Variants in HERC2 observed in about 807,000 individuals in gnomAD.
The protein encoded by HERC2 is HECT and RLD domain containing E3 ubiquitin protein ligase 2.
In HERC2, 102 loss-of-function variants were observed where a neutral mutation model predicts 537.7. The ratio of observed to expected loss-of-function variants is 0.19; its 90% CI spans 0.16 to 0.22. HERC2 has a LOEUF of 0.22. Ranked by LOEUF, HERC2 falls within the 10% of genes least tolerant of loss-of-function variation. The probability of loss-of-function intolerance (pLI) is 1.00; values close to 1 mark genes in which losing one functional copy is unlikely to be tolerated. For missense variants in HERC2, 4,236 were observed against 6,198.2 expected, an observed-to-expected ratio of 0.68 and a Z score of 10.63; for synonymous variants, 2,224 against 2,466.2, an observed-to-expected ratio of 0.90 and a Z score of 2.91.
intron 65 of HERC2, among the ~76,000 whole-genome samples, chr15:28,172,390 G>C (rs1023286093): frequency 1.3e-5 from 2 of 152,186 alleles, no homozygotes; most frequent in African/African-American, 4.8e-5. Flanking sequence ...TAAAGCTGTG[G>C]TAATCAAGAC....
At chr15:28,189,816 TTAAAACTAAAA>T in intron 55 of HERC2, among the ~76,000 whole-genome samples, 1 of 152,276 alleles carries the variant, frequency 6.6e-6, no homozygotes, top group East Asian at 1.9e-4. Flanking sequence ...TACTATTTGG[TTAAAACTAAAA>T]TAAAACTTTT....
Position 28,301,755 on chromosome 15 carries a change from A to G in HERC2, c.73-2239T>C, listed in dbSNP as rs559604873. On this transcript the variant is annotated intron_variant, in intron 2 of 92. Coordinates refer to ENST00000261609, the MANE Select transcript of HERC2 (RefSeq NM_004667.6). ...TATGTGTATATATATATATATATAT[A>G]TATATATATATATATATATATATAT... Among the ~76,000 whole-genome samples, 1,066 of 115,808 alleles carry G rather than the reference A, an allele frequency of 9.2e-3. 47 individuals carry two copies. The highest frequency in any genetic ancestry group is 0.012 in the Non-Finnish European group (698 of 56,214). The allele number at this position is 115,808 out of a possible 152,430, so 76.0% of individuals were successfully genotyped here.
Position 28,222,137 on chromosome 15 carries a change from C to T in HERC2, c.5543G>A (p.Arg1848Lys). 6.1e-6 allele frequency: 8 copies of T among 1,302,268 alleles called. 1 individual carries two copies. The highest frequency in any genetic ancestry group is 1.1e-5 in the South Asian group (1 of 89,156). 80.7% of individuals were successfully genotyped at this position (1,302,268 alleles called of 1,614,324 possible). Reference sequence around the variant, plus strand: ...GAGCTGCACAGGAGCCGTTTCCTTCCTTGTTTCTTCCAAAACTGTGGCAGA... The same window carrying T: ...GAGCTGCACAGGAGCCGTTTCCTTCTTTGTTTCTTCCAAAACTGTGGCAGA... ...GASATVLEET[R>K]KETAPVQLPV... Residue 1848 changes from arginine to lysine, a missense_variant, in exon 36 of 93, where the codon AGG becomes AAG. Coordinates refer to ENST00000261609, the MANE Select transcript of HERC2 (RefSeq NM_004667.6).
rs1206393229 is a variant in HERC2 at position 28,274,317 on chromosome 15, G to T, written c.774C>A (p.Thr258=). The T allele has an allele frequency of 1.2e-6, 2 of 1,614,194 alleles. No homozygotes were observed. Among genetic ancestry groups the T allele is most frequent in the Admixed American group, 3.3e-5 (2 of 60,026 alleles). The part of the protein sequence containing the change: ...SVWLEVVERA[T]RFLRSVVTGD... ...CCGTCACGACGGACCTGAGGAACCTGGTCGCTCTCTCCACCACCTCCAGCC... is the reference window on the plus strand; with the variant it reads ...CCGTCACGACGGACCTGAGGAACCTTGTCGCTCTCTCCACCACCTCCAGCC... The change falls in exon 7 of 93, where the codon ACC becomes ACA. Residue 258 remains threonine (T), a synonymous_variant. Coordinates refer to ENST00000261609, the MANE Select transcript of HERC2 (RefSeq NM_004667.6).
In HERC2 at chr15:28,147,902, C is replaced by T. The variant is rs190804198; in HGVS notation, c.10901-1558G>A. On this transcript the variant is annotated intron_variant, in intron 70 of 92. Coordinates refer to ENST00000261609, the MANE Select transcript of HERC2 (RefSeq NM_004667.6). Reference sequence around the variant, plus strand: ...ATAAAAATAAGTTAGCCAAGTGTGGCAGCACAAGCCTGTAGTCCTAGCTTC... The same window carrying T: ...ATAAAAATAAGTTAGCCAAGTGTGGTAGCACAAGCCTGTAGTCCTAGCTTC... 3.6e-3 allele frequency among the ~76,000 whole-genome samples: 546 copies of T among 151,708 alleles called. 5 individuals are homozygous for T. The highest frequency in any genetic ancestry group is 0.012 in the African/African-American group (508 of 41,394).
intron 78 of HERC2, among the ~76,000 whole-genome samples, chr15:28,139,813 C>A (rs550730427): frequency 6.3e-4 from 95 of 151,832 alleles, no homozygotes; most frequent in South Asian, 1.9e-3. Context: ...GTAATCCCAG[C>A]ACTTTGGGAG....
chr15:28,123,981 G>A, intron 85 of HERC2, 56 bp downstream of exon 85: 3 of 1,382,306 alleles, frequency 2.2e-6, no homozygotes, highest in South Asian at 1.5e-5. Context: ...ATTCTATTGG[G>A]TTACATGTAC....
At chr15:28,318,386 G>A (rs1288550465) in intron 2 of HERC2, among the ~76,000 whole-genome samples, 5 of 152,282 alleles carry the variant, frequency 3.3e-5, no homozygotes, top group South Asian at 2.1e-4. Context: ...CAGCACTTCC[G>A]GAGGCCGAGA....
At chr15:28,121,583 G>A (rs572851492) in intron 85 of HERC2, among the ~76,000 whole-genome samples, 154 bp from the exon 86 acceptor site, 1 of 152,322 alleles carries the variant, frequency 6.6e-6, no homozygotes, top group East Asian at 1.9e-4. Context: ...GAGGGTGCAG[G>A]GGAACAGGCT....
intron 85 of HERC2, among the ~76,000 whole-genome samples, chr15:28,123,573 T>G (rs1330960227): frequency 6.6e-6 from 1 of 152,228 alleles, no homozygotes; most frequent in East Asian, 1.9e-4. Flanking sequence ...GCCAGCAATC[T>G]CTACACATTC....
intron 68 of HERC2, 30 bp from the exon 69 acceptor site, chr15:28,163,315 T>A: frequency 6.3e-7 from 1 of 1,593,750 alleles, no homozygotes; most frequent in East Asian, 2.2e-5. Flanking sequence ...ACAATTAACA[T>A]GAGGAATGAT....
chr15:28,120,324 A>G (rs1008581114), intron 86 of HERC2, among the ~76,000 whole-genome samples: 5 of 152,196 alleles, frequency 3.3e-5, no homozygotes, highest in Admixed American at 6.5e-5. Context: ...AATGCCCCCA[A>G]GTATAACTCT....
chr15:28,284,919 GAAAAAAAAAAAAAAA>G (rs551327935), intron 4 of HERC2, among the ~76,000 whole-genome samples: 17 of 32,546 alleles, frequency 5.2e-4, no homozygotes, highest in South Asian at 2.9e-3. Context: ...CTCCGTCTCG[GAAAAAAAAAAAAAAA>G]AAAAAAAAAA....
intron 53 of HERC2, 25 bp from the exon 54 acceptor site, chr15:28,191,269 T>C: frequency 2.7e-6 from 4 of 1,493,092 alleles, no homozygotes; most frequent in Non-Finnish European, 3.7e-6. Flanking sequence ...AAAAACCACA[T>C]TCTCAGTTAG....
rs748053596 is a variant in HERC2, at chr15:28,224,166, C to CACACACACACAG, written c.5465-1952_5465-1951insCTGTGTGTGTGT. On this transcript the variant is annotated intron_variant, in intron 35 of 92. Coordinates refer to ENST00000261609, the MANE Select transcript of HERC2 (RefSeq NM_004667.6). Reference sequence around the variant, plus strand: ...ACACACACCCACACACACACACACACAGAGAGAGAGAGAAACAGACAGACA... The same window carrying CACACACACACAG: ...ACACACACCCACACACACACACACACACACACACACAGAGAGAGAGAGAGAAACAGACAGACA... Among the ~76,000 whole-genome samples the CACACACACACAG allele has an allele frequency of 3.5e-3, 518 of 147,712 alleles. 2 individuals are homozygous for CACACACACACAG. Among genetic ancestry groups the CACACACACACAG allele is most frequent in the East Asian group, 0.011 (55 of 4,986 alleles).
Position 28,191,181 on chromosome 15 carries a change from G to A in HERC2, c.8515C>T (p.Pro2839Ser). The A allele has an allele frequency of 1.2e-6, 2 of 1,613,812 alleles. No homozygotes were observed. Among genetic ancestry groups the A allele is most frequent in the Non-Finnish European group, 1.7e-6 (2 of 1,179,812 alleles). ...GACGGCATGTAGCTACTGTCAGCAG[G>A]ATCTACGATCATTTTTAATCTATGA... ...LVHRLKMIVD[P>S]ADSSYMPSLV... Residue 2839 changes from proline to serine, a missense_variant, in exon 54 of 93, where the codon CCT (proline) becomes TCT (serine). Pro to Ser is a moderately conservative substitution (Grantham distance 74). Transcript: ENST00000261609.
chr15:28,254,565 G>A, intron 19 of HERC2, 47 bp from the exon 20 acceptor site: 7 of 1,352,000 alleles, frequency 5.2e-6, no homozygotes, highest in Non-Finnish European at 7.1e-6. Context: ...TCATTACCAG[G>A]TGTGAAGACA....
chr15:28,153,484 T>C (rs1217989095), intron 69 of HERC2, among the ~76,000 whole-genome samples: 2 of 151,890 alleles, frequency 1.3e-5, no homozygotes, highest in East Asian at 3.9e-4. Context: ...TGAAACCCCG[T>C]CTCTACTAAA....
intron 89 of HERC2, 94 bp downstream of exon 89, chr15:28,115,335 T>A: frequency 1.4e-6 from 1 of 715,094 alleles, no homozygotes; most frequent in South Asian, 1.9e-5. Flanking sequence ...GGCACTGAGA[T>A]TAGGCCAGAG....
Sources: allele counts gnomAD v4.1 joint callset (sites outside exome capture counted in the v4.1 genomes callset), GRCh38; gene constraint gnomAD v4.1.1; transcripts MANE v1.5; gene names NCBI Gene and HGNC (gene_info 2026-07-23, HGNC 2026-07-21).